The following FCHO2 variants were observed in gnomAD, a reference collection of about 807,000 sequenced individuals.
FCHO2 encodes F-BAR domain only protein 2.
Under a neutral mutation model 114.1 loss-of-function variants are expected in FCHO2, and 43 were observed. The observed-to-expected ratio is 0.38, with a 90% CI of 0.30 to 0.49. The LOEUF (loss-of-function observed/expected upper bound fraction) is 0.49. Ranked by LOEUF, FCHO2 falls within the 20% of genes least tolerant of loss-of-function variation. The pLI is 0.97. For synonymous variants in FCHO2, 293 were observed against 315.2 expected (o/e 0.93, Z 0.75); for missense variants, 807 against 950.4 (o/e 0.85, Z 1.98).
chr5:72,956,058 GGCGGGC>G lies in FCHO2; in HGVS notation c.-34_-29del. 1 of 1,539,376 alleles carries G rather than the reference GGCGGGC, an allele frequency of 6.5e-7. No individual in the cohort carries two copies. Among genetic ancestry groups the G allele is most frequent in the Admixed American group, 2.0e-5 (1 of 50,000 alleles). ...GCCGGGCCGTGTTTACACAGCGGCG[GGCGGGC>G]GCGGACGCGGAACCCGGCGCGGCGG... On this transcript the variant is annotated 5_prime_UTR_variant, in exon 1 of 26. Coordinates refer to ENST00000430046, the MANE Select transcript of FCHO2 (RefSeq NM_138782.3).
chr5:72,988,737 A>G (rs1753668048), intron 2 of FCHO2, among the ~76,000 whole-genome samples: 1 of 152,232 alleles, frequency 6.6e-6, no homozygotes, highest in Non-Finnish European at 1.5e-5. Context: ...TTAAATGTGC[A>G]TCACAGTGTT....
intron 8 of FCHO2, among the ~76,000 whole-genome samples, chr5:73,023,350 C>A (rs769102643): frequency 6.6e-6 from 1 of 152,124 alleles, no homozygotes; most frequent in Non-Finnish European, 1.5e-5. Context: ...ATAAAAGTTA[C>A]ATAATTCGGT....
At chr5:73,008,990 G>C (rs147701043) in intron 6 of FCHO2, among the ~76,000 whole-genome samples, 1 of 152,208 alleles carries the variant, frequency 6.6e-6, no homozygotes. Flanking sequence ...ACAAAGCCAT[G>C]ATGACAGCAC....
intron 1 of FCHO2, among the ~76,000 whole-genome samples, 185 bp downstream of exon 1, chr5:72,956,314 C>T (rs1290238356): frequency 6.6e-6 from 1 of 151,726 alleles, no homozygotes; most frequent in African/African-American, 2.4e-5. Flanking sequence ...CTCCCGGGCT[C>T]GCAGCCCTAT....
At chr5:72,999,798 A>G (rs1484944502) in intron 5 of FCHO2, among the ~76,000 whole-genome samples, 1 of 152,172 alleles carries the variant, frequency 6.6e-6, no homozygotes, top group East Asian at 1.9e-4. Flanking sequence ...TAAAAGTCAT[A>G]GGCACTTAAA....
intron 2 of FCHO2, among the ~76,000 whole-genome samples, chr5:72,971,477 T>C (rs547759145): frequency 7.9e-5 from 12 of 152,330 alleles, no homozygotes; most frequent in African/African-American, 2.6e-4. Flanking sequence ...TTTCATGTGT[T>C]TTTTGGCTGC....
intron 15 of FCHO2, among the ~76,000 whole-genome samples, chr5:73,055,585 G>GA (rs1175924853): frequency 1.3e-5 from 2 of 152,138 alleles, no homozygotes; most frequent in Non-Finnish European, 2.9e-5. Context: ...ATCTTATAAA[G>GA]AGACTTGCTC....
intron 16 of FCHO2, among the ~76,000 whole-genome samples, chr5:73,057,077 T>G (rs1757632099): frequency 6.7e-6 from 1 of 149,684 alleles, no homozygotes; most frequent in Non-Finnish European, 1.5e-5. Flanking sequence ...CTCCCGCCCC[T>G]GTCTCCCAGC....
chr5:72,957,666 G>A (rs1398662844), intron 1 of FCHO2, among the ~76,000 whole-genome samples: 2 of 152,156 alleles, frequency 1.3e-5, no homozygotes, highest in Admixed American at 1.3e-4. Flanking sequence ...TTTTGTACAA[G>A]TTTTTGTGTG....
Position 73,069,469 on chromosome 5 carries a change from T to A in FCHO2, c.1579+690T>A, listed in dbSNP as rs113765242. ...CCCATCTGGGGGTGATGGGAGACAA[T>A]GGCAGATCATCAGGCATTAGATTCT... On this transcript the variant is annotated intron_variant, in intron 19 of 25. Transcript: ENST00000430046. Among the ~76,000 whole-genome samples the A allele has an allele frequency of 7.7e-3, 1,164 of 152,134 alleles. 13 individuals carry two copies. The highest frequency in any genetic ancestry group is 0.027 in the African/African-American group (1,115 of 41,506).
chr5:72,965,126 C>T (rs575712430), intron 1 of FCHO2, among the ~76,000 whole-genome samples: 1 of 152,172 alleles, frequency 6.6e-6, no homozygotes, highest in Non-Finnish European at 1.5e-5. Context: ...GAGGGGACTA[C>T]TGTACAAATA....
chr5:73,008,662 G>T (rs1018464830), intron 6 of FCHO2, among the ~76,000 whole-genome samples: 1 of 152,054 alleles, frequency 6.6e-6, no homozygotes, highest in Non-Finnish European at 1.5e-5. Context: ...CCACAATTCC[G>T]AATCCGAAGA....
At position 72,968,541 on chromosome 5, in the gene FCHO2, A is replaced by T. The variant is rs1377009099; in HGVS notation, c.77A>T (p.Lys26Ile). 1 of 1,551,818 alleles carries T rather than the reference A, an allele frequency of 6.4e-7. No homozygotes were observed. Among genetic ancestry groups the T allele is most frequent in the Non-Finnish European group, 8.6e-7 (1 of 1,157,346 alleles). The change falls in exon 2 of 26, where the codon AAA becomes ATA. Residue 26 changes from lysine (K) to isoleucine (I), a missense_variant. Transcript: ENST00000430046. ...SGFDVLYHNM[K>I]HGQISTKELA... ...TTTGATGTCCTCTACCATAATATGA[A>T]ACATGGACAGATATCAACAAAAGAA...
intron 6 of FCHO2, among the ~76,000 whole-genome samples, chr5:73,011,559 C>CT (rs1253966220): frequency 2.6e-5 from 4 of 152,100 alleles, no homozygotes; most frequent in African/African-American, 7.2e-5. Context: ...TAGGATTGCT[C>CT]TTTTATCTCC....
chr5:72,970,281 A>G (rs1332528208), intron 2 of FCHO2, among the ~76,000 whole-genome samples: 1 of 152,238 alleles, frequency 6.6e-6, no homozygotes, highest in Non-Finnish European at 1.5e-5. Flanking sequence ...TCACAGGAGA[A>G]CATAGAAACA....
chr5:73,056,872 TA>T (rs60237022), intron 16 of FCHO2, among the ~76,000 whole-genome samples: 31 of 147,896 alleles, frequency 2.1e-4, no homozygotes, highest in East Asian at 3.9e-4. Context: ...CAGCTCTTCT[TA>T]AAAAAAAAAA....
chr5:73,043,033 A>G (rs1212071258), intron 11 of FCHO2, among the ~76,000 whole-genome samples: 1 of 152,140 alleles, frequency 6.6e-6, no homozygotes, highest in Admixed American at 6.6e-5. Flanking sequence ...GGCTCAAGCA[A>G]TCATCTTGCC....
chr5:73,065,074 T>C (rs1035334018), intron 18 of FCHO2, among the ~76,000 whole-genome samples: 3 of 151,982 alleles, frequency 2.0e-5, no homozygotes, highest in Non-Finnish European at 2.9e-5. Context: ...AAATCTTCAG[T>C]GAATATATTG....
intron 5 of FCHO2, chr5:72,997,595 G>T (rs1331020163): frequency 7.3e-7 from 1 of 1,371,582 alleles, no homozygotes; most frequent in Non-Finnish European, 1.0e-6. Flanking sequence ...GTTCACCGCT[G>T]ATGTTCGTTC....
Sources: gnomAD v4.1 joint callset for allele counts (sites outside exome capture counted in the v4.1 genomes callset) on GRCh38, gnomAD v4.1.1 for gene constraint, MANE v1.5 for transcripts, NCBI Gene and HGNC (gene_info 2026-07-23, HGNC 2026-07-21) for gene names.